The following CD59 variants were observed in gnomAD, a reference collection of about 807,000 sequenced individuals.
The protein encoded by CD59 is CD59 molecule (CD59 blood group).
Under a neutral mutation model 7.0 loss-of-function variants are expected in CD59, and 3 were observed. That is an observed-to-expected ratio of 0.43 (90% CI 0.19 to 1.10). The LOEUF is 1.10. CD59 is among the 50% of genes least tolerant of loss of function. The pLI, the probability that CD59 is intolerant of heterozygous loss-of-function variation, is 0.29. For synonymous variants in CD59, 60 were observed against 62.0 expected, an observed-to-expected ratio of 0.97 and a Z score of 0.15; for missense variants, 143 against 151.0, an observed-to-expected ratio of 0.95 and a Z score of 0.28.
chr11:33,716,261 A>C (rs1853785807), intron 3 of CD59, among the ~76,000 whole-genome samples: 1 of 152,220 alleles, frequency 6.6e-6, no homozygotes, highest in South Asian at 2.1e-4. Flanking sequence ...GGGTAACTAT[A>C]ATTTGTCTTT....
At chr11:33,731,724 G>A (rs1273664234) in intron 1 of CD59, among the ~76,000 whole-genome samples, 1 of 152,194 alleles carries the variant, frequency 6.6e-6, no homozygotes, top group Non-Finnish European at 1.5e-5. Flanking sequence ...TTTAGATTGG[G>A]TTGGAAATGT....
chr11:33,727,184 A>G (rs1234468839), intron 1 of CD59, among the ~76,000 whole-genome samples: 1 of 152,210 alleles, frequency 6.6e-6, no homozygotes, highest in Non-Finnish European at 1.5e-5. Context: ...TGAGGCCAGC[A>G]TCATCTTGAC....
intron 2 of CD59, chr11:33,718,971 T>C (rs111547416): frequency 3.3e-5 from 5 of 152,320 alleles, no homozygotes; most frequent in African/African-American, 9.6e-5. Context: ...ACTTCTACCA[T>C]GTAATCAGTA....
At chr11:33,729,699 GA>G (rs57531198) in intron 1 of CD59, among the ~76,000 whole-genome samples, 20,943 of 142,702 alleles carry the variant, frequency 0.15, 1,812 homozygotes, top group African/African-American at 0.25. Flanking sequence ...GTATCTCCGA[GA>G]AAAAAAAAAA....
intron 3 of CD59, among the ~76,000 whole-genome samples, chr11:33,711,108 T>C (rs1853536817): frequency 6.6e-6 from 1 of 151,470 alleles, no homozygotes; most frequent in Non-Finnish European, 1.5e-5. Flanking sequence ...AAAACTTTTG[T>C]GCTTCAAAGG....
chr11:33,710,133 T>A lies in CD59; in HGVS notation c.380A>T (p.His127Leu), dbSNP rs764547290. The A allele has an allele frequency of 1.2e-6, 2 of 1,612,318 alleles. No homozygotes were observed. The highest frequency in any genetic ancestry group is 1.3e-5 in the African/African-American group (1 of 75,030). ...AGCTCTCCTGGTGTTGACTTAGGGA[T>A]GAAGGCTCCAGGCTGCTGCCAGAAA... ...TPFLAAAWSL[H>L]P The change falls in exon 4 of 4, where the codon CAT (histidine) becomes CTT (leucine). Residue 127 changes from histidine (H) to leucine (L), a missense_variant. Physicochemically the swap from His to Leu is moderately conservative, Grantham distance 99. Transcript: ENST00000642928.
At chr11:33,710,726 T>C (rs991791338) in intron 3 of CD59, among the ~76,000 whole-genome samples, 2 of 151,358 alleles carry the variant, frequency 1.3e-5, no homozygotes, top group Admixed American at 1.3e-4. Flanking sequence ...TTCTTTTCTT[T>C]TTTTTTTTTA....
intron 1 of CD59, among the ~76,000 whole-genome samples, chr11:33,723,730 T>C (rs1854166141): frequency 6.6e-6 from 1 of 152,168 alleles, no homozygotes; most frequent in Non-Finnish European, 1.5e-5. Flanking sequence ...GCTTGCTTGG[T>C]TCCCCATTTT....
intron 1 of CD59, among the ~76,000 whole-genome samples, chr11:33,728,387 C>A (rs1309932901): frequency 3.3e-5 from 5 of 152,218 alleles, no homozygotes; most frequent in Non-Finnish European, 7.3e-5. Context: ...ACCATCTGAT[C>A]TTTGACAAAC....
At position 33,736,018 on chromosome 11, in the gene CD59, T is replaced by C. The variant is rs1296603674; in HGVS notation, c.-19+364A>G. 6.6e-6 allele frequency among the ~76,000 whole-genome samples: 1 copy of C among 152,052 alleles called. No individual in the cohort carries two copies. Among genetic ancestry groups the C allele is most frequent in the Non-Finnish European group, 1.5e-5 (1 of 67,994 alleles). ...GCCGTGACCACGGAGGGCTGGCCTT[T>C]CCCCCGGCGCAGTTTCTCTGGACCG... On this transcript the variant is annotated intron_variant, in intron 1 of 3. Transcript: ENST00000642928. This position sits in a 1 kb window ranked among gnomAD's most constrained non-coding sequence, Gnocchi z 4.4.
chr11:33,713,939 A>G (rs1853673435), intron 3 of CD59, among the ~76,000 whole-genome samples: 1 of 152,190 alleles, frequency 6.6e-6, no homozygotes, highest in Non-Finnish European at 1.5e-5. Flanking sequence ...AAGTCTATCT[A>G]AAGTCAACAG....
intron 1 of CD59, among the ~76,000 whole-genome samples, chr11:33,734,508 C>G (rs1170640503): frequency 6.6e-6 from 1 of 152,154 alleles, no homozygotes; most frequent in Non-Finnish European, 1.5e-5. Context: ...GTGTGTTGTT[C>G]CCCTCCCTGT....
intron 1 of CD59, among the ~76,000 whole-genome samples, chr11:33,732,212 T>C (rs1854439434): frequency 1.3e-5 from 2 of 151,786 alleles, no homozygotes; most frequent in South Asian, 2.1e-4. Flanking sequence ...AATGGACTAA[T>C]ACACCTCCAA....
At position 33,704,639 on chromosome 11, in the gene CD59, C is replaced by CT. The variant is rs1210264635; in HGVS notation, c.*5486dup. 1 of 152,150 alleles carries CT rather than the reference C, an allele frequency of 6.6e-6. No individual in the cohort carries two copies. The highest frequency in any genetic ancestry group is 1.9e-4 in the East Asian group (1 of 5,198). 9.4% of individuals were successfully genotyped at this position (152,150 alleles called of 1,614,324 possible). ...GGTTCTCATTTTCCAGATGAGAAAA[C>CT]TGAGGCATGTAAGGTTAAGTAACTT... On this transcript the variant is annotated 3_prime_UTR_variant, in exon 4 of 4. Transcript: ENST00000642928.
chr11:33,722,281 C>T, intron 2 of CD59, 98 bp downstream of exon 2: 1 of 901,288 alleles, frequency 1.1e-6, no homozygotes, highest in South Asian at 1.3e-5. Context: ...AGAACCAAAG[C>T]CAGGCCTGGA....
Position 33,717,410 on chromosome 11 carries a change from A to G in CD59, c.129T>C (p.Asn43=), listed in dbSNP as rs147726303. The G allele has an allele frequency of 1.3e-5, 21 of 1,613,656 alleles. No homozygotes were observed. Among genetic ancestry groups the G allele is most frequent in the Non-Finnish European group, 1.8e-5 (21 of 1,179,700 alleles). ...GACACGCATCAAAATCAGATGAACA[A>G]TTGACGGCTGTTTTGCAGTCAGCAG... ...NPTADCKTAV[N]CSSDFDACLI... Residue 43 remains asparagine, a synonymous_variant, in exon 3 of 4, where the codon AAT becomes AAC. Coordinates refer to ENST00000642928, the MANE Select transcript of CD59 (RefSeq NM_000611.6).
In CD59 at chr11:33,707,880, G is replaced by A. The variant is rs1040399028; in HGVS notation, c.*2246C>T. ...CTGTCATAGTGAAGAGCTTGCCAAG[G>A]ACAGGACTGATTCTTCCTCCAGCCT... On this transcript the variant is annotated 3_prime_UTR_variant, in exon 4 of 4. Transcript: ENST00000642928. 1 of 152,190 alleles carries A rather than the reference G, an allele frequency of 6.6e-6. No homozygotes were observed. The highest frequency in any genetic ancestry group is 2.4e-5 in the African/African-American group (1 of 41,446). 9.4% of individuals were successfully genotyped at this position (152,190 alleles called of 1,614,324 possible).
chr11:33,727,965 G>T (rs1321149979), intron 1 of CD59, among the ~76,000 whole-genome samples: 1 of 152,156 alleles, frequency 6.6e-6, no homozygotes. Flanking sequence ...ACTCACAAGG[G>T]ATGTGAAGGA....
At chr11:33,720,674 A>G (rs947611972) in intron 2 of CD59, among the ~76,000 whole-genome samples, 4 of 152,254 alleles carry the variant, frequency 2.6e-5, no homozygotes, top group Non-Finnish European at 5.9e-5. Context: ...GGTTGCAGTG[A>G]GCCGAGATCG....
Sources: gnomAD v4.1 joint callset for allele counts (sites outside exome capture counted in the v4.1 genomes callset) on GRCh38, gnomAD v4.1.1 for gene constraint, Gnocchi (gnomAD v3.1) non-coding constraint, MANE v1.5 for transcripts, NCBI Gene and HGNC (gene_info 2026-07-23, HGNC 2026-07-21) for gene names.